COX6A1: variants seen among roughly 807,000 people sequenced by gnomAD.
The protein encoded by COX6A1 is cytochrome c oxidase subunit 6A1.
Under a neutral mutation model 11.3 loss-of-function variants are expected in COX6A1, and 10 were observed. The observed-to-expected ratio is 0.88, with a 90% CI of 0.54 to 1.50. The LOEUF is 1.50. Among genes scored for constraint, COX6A1 ranks in the 40% most tolerant of loss-of-function variants. COX6A1 has a pLI of 0.00. For synonymous variants in COX6A1, 81 were observed against 60.6 expected (o/e 1.34, Z -1.57); for missense variants, 149 against 147.6 (o/e 1.01, Z -0.05).
At position 120,440,630 on chromosome 12, in the gene COX6A1, T is replaced by G; in HGVS notation, c.*93T>G. On this transcript the variant is annotated 3_prime_UTR_variant, in exon 3 of 3. Coordinates refer to ENST00000229379, the MANE Select transcript of COX6A1 (RefSeq NM_004373.4). ...GGACCAGAAAAAGTATATGGGACCT[T>G]AAGCTCACCTTCTTTACTTGTATCA... 1 of 825,248 alleles carries G rather than the reference T, an allele frequency of 1.2e-6. No individual in the cohort carries two copies. The highest frequency in any genetic ancestry group is 2.0e-6 in the Non-Finnish European group (1 of 489,352). The allele number at this position is 825,248 out of a possible 1,614,324, so 51.1% of individuals were successfully genotyped here.
intron 1 of COX6A1, 28 bp downstream of exon 1, chr12:120,438,257 G>C: frequency 1.2e-6 from 2 of 1,612,250 alleles, no homozygotes; most frequent in Non-Finnish European, 8.5e-7. Flanking sequence ...GACGGGTCGA[G>C]CCTCAGCCCC....
At chr12:120,438,782 AC>A (rs1435680923) in intron 2 of COX6A1, 1 of 320,164 alleles carries the variant, frequency 3.1e-6, no homozygotes, top group South Asian at 4.3e-5. Context: ...GCCTTCTGAG[AC>A]AGTTCTTTTT....
intron 1 of COX6A1, 28 bp downstream of exon 1, chr12:120,438,257 G>A (rs1423926145): frequency 1.9e-6 from 3 of 1,612,132 alleles, no homozygotes; most frequent in Non-Finnish European, 2.5e-6. Flanking sequence ...GACGGGTCGA[G>A]CCTCAGCCCC....
chr12:120,438,501 C>A lies in COX6A1; in HGVS notation c.226C>A (p.His76Asn), dbSNP rs140243339. 8 of 1,614,226 alleles carry A rather than the reference C, an allele frequency of 5.0e-6. 1 individual carries two copies. The South Asian group carries it at 7.7e-5, about 16-fold the overall frequency. ...GAGACCCGAGTTCATCGCCTACCCC[C>A]ATCTCCGCATCAGGACCAAGGTACG... The part of the protein sequence containing the change: ...HERPEFIAYP[H>N]LRIRTKPFPW... The change falls in exon 2 of 3, where the codon CAT (histidine) becomes AAT (asparagine). Residue 76 changes from histidine (H) to asparagine (N), a missense_variant. Transcript: ENST00000229379.
chr12:120,438,256 A>C (rs1877620506), intron 1 of COX6A1, 27 bp downstream of exon 1: 4 of 1,612,410 alleles, frequency 2.5e-6, no homozygotes, highest in African/African-American at 2.7e-5. Flanking sequence ...CGACGGGTCG[A>C]GCCTCAGCCC....
In COX6A1 at chr12:120,438,170, G is replaced by T; in HGVS notation, c.44G>T (p.Arg15Leu). Residue 15 changes from arginine (R) to leucine (L), a missense_variant, in exon 1 of 3, where the codon CGG becomes CTG. Arg to Leu is a moderately radical substitution (Grantham distance 102). Coordinates refer to ENST00000229379, the MANE Select transcript of COX6A1 (RefSeq NM_004373.4). ...TCCTCGGTTTCTCGGCTGCTGGGTC[G>T]GTCCCGCCCACAGCTGGGGCGGCCT... The part of the protein sequence containing the change: ...GVSSVSRLLG[R>L]SRPQLGRPMS... 6.2e-7 allele frequency: 1 copy of T among 1,613,832 alleles called. No homozygotes were observed. The highest frequency in any genetic ancestry group is 1.3e-5 in the African/African-American group (1 of 75,042).
In COX6A1 at chr12:120,440,597, C is replaced by T; in HGVS notation, c.*60C>T. Reference sequence around the variant, plus strand: ...CACAGCACTGGTTTGGACCGTTACTCTGCACATGGACCAGAAAAAGTATAT... The same window carrying T: ...CACAGCACTGGTTTGGACCGTTACTTTGCACATGGACCAGAAAAAGTATAT... On this transcript the variant is annotated 3_prime_UTR_variant, in exon 3 of 3. Coordinates refer to ENST00000229379, the MANE Select transcript of COX6A1 (RefSeq NM_004373.4). The T allele has an allele frequency of 7.6e-7, 1 of 1,316,608 alleles. No homozygotes were observed. The highest frequency in any genetic ancestry group is 1.2e-5 in the South Asian group (1 of 84,166). 81.6% of individuals were successfully genotyped at this position (1,316,608 alleles called of 1,614,324 possible).
chr12:120,439,264 C>A (rs1877655790), intron 2 of COX6A1, among the ~76,000 whole-genome samples: 1 of 152,198 alleles, frequency 6.6e-6, no homozygotes, highest in African/African-American at 2.4e-5. Flanking sequence ...CGGTGGCTCA[C>A]GCCTGTAATC....
intron 2 of COX6A1, among the ~76,000 whole-genome samples, chr12:120,438,997 C>T (rs1877649789): frequency 6.6e-6 from 1 of 152,082 alleles, no homozygotes; most frequent in Non-Finnish European, 1.5e-5. Flanking sequence ...GAGATCGTGC[C>T]ACTGCACTCC....
At chr12:120,438,785 G>GTTA in intron 2 of COX6A1, 1 of 152,702 alleles carries the variant, frequency 6.5e-6, no homozygotes, top group Non-Finnish European at 1.2e-5. Context: ...TTCTGAGACA[G>GTTA]TTCTTTTTTT....
Position 120,438,788 on chromosome 12 carries a change from CTTTTTTTTTTTTT to C in COX6A1, c.246+281_246+293del, listed in dbSNP as rs376239130. ...CTACCTCCTGCCTTCTGAGACAGTT[CTTTTTTTTTTTTT>C]TTTTTTTTTTTTTACTTCTGAGACA... is the stretch of plus-strand genomic sequence containing the variant. On this transcript the variant is annotated intron_variant, in intron 2 of 2. Coordinates refer to ENST00000229379, the MANE Select transcript of COX6A1 (RefSeq NM_004373.4). The C allele has an allele frequency of 8.8e-4, 106 of 120,084 alleles. 2 individuals are homozygous for C. Among genetic ancestry groups the C allele is most frequent in the African/African-American group, 5.1e-3 (97 of 18,954 alleles). The allele number at this position is 120,084 out of a possible 1,614,324, so 7.4% of individuals were successfully genotyped here.
At chr12:120,439,934 A>C (rs1877683879) in intron 2 of COX6A1, 1 of 151,092 alleles carries the variant, frequency 6.6e-6, no homozygotes, top group East Asian at 2.0e-4. Context: ...TGTGCCCTGA[A>C]GGGGCAAAAT....
intron 2 of COX6A1, 172 bp from the exon 3 acceptor site, chr12:120,440,282 G>A (rs1026746387): frequency 5.5e-6 from 3 of 545,276 alleles, no homozygotes; most frequent in Middle Eastern, 8.3e-4. Context: ...GGCTCCCCTG[G>A]TAGTTATAAG....
chr12:120,438,540 C>T lies in COX6A1; in HGVS notation c.246+19C>T, dbSNP rs1284798623. 4.3e-6 allele frequency: 7 copies of T among 1,614,198 alleles called. No individual in the cohort carries two copies. Among genetic ancestry groups the T allele is most frequent in the Non-Finnish European group, 5.9e-6 (7 of 1,180,038 alleles). ...GACCAAGGTACGCCCTTGTACATCT[C>T]TTCAAGCGTCCGTTCTCTTTTCGTT... is the stretch of plus-strand genomic sequence containing the variant. On this transcript the variant is annotated intron_variant, in intron 2 of 2. Coordinates refer to ENST00000229379, the MANE Select transcript of COX6A1 (RefSeq NM_004373.4).
chr12:120,438,146 C>G lies in COX6A1; in HGVS notation c.20C>G (p.Ser7Cys), dbSNP rs375856274. The G allele has an allele frequency of 2.6e-5, 42 of 1,613,560 alleles. 1 individual carries two copies. Among genetic ancestry groups the G allele is most frequent in the South Asian group, 1.4e-4 (13 of 91,048 alleles). The change falls in exon 1 of 3, where the codon TCC (serine) becomes TGC (cysteine). Residue 7 changes from serine (S) to cysteine (C), a missense_variant. Coordinates refer to ENST00000229379, the MANE Select transcript of COX6A1 (RefSeq NM_004373.4). ...TCAAAAATGGCGGTAGTTGGTGTGT[C>G]CTCGGTTTCTCGGCTGCTGGGTCGG... MAVVGV[S>C]SVSRLLGRSR... is the part of the protein sequence containing the mutation.
chr12:120,438,360 G>T lies in COX6A1; in HGVS notation c.104-19G>T. 6.2e-7 allele frequency: 1 copy of T among 1,614,202 alleles called. No individual in the cohort carries two copies. The highest frequency in any genetic ancestry group is 8.5e-7 in the Non-Finnish European group (1 of 1,180,038). On this transcript the variant is annotated intron_variant, in intron 1 of 2. Transcript: ENST00000229379. ...GGCCCGCCCCATACCGGCGCTGAAC[G>T]TTTGTGGCTTCTCCGCAGCTCGCAT...
rs1271075194 is a variant in COX6A1, at chr12:120,440,452, A to C, written c.247-2A>C. On this transcript the variant is annotated splice_acceptor_variant, in intron 2 of 2. Transcript: ENST00000229379. LOFTEE classifies it high-confidence loss of function. ...TATCTAACTGACATCTTCACTCCAC[A>C]GCCGTTTCCCTGGGGAGATGGTAAC... is the stretch of plus-strand genomic sequence containing the variant. 6.2e-7 allele frequency: 1 copy of C among 1,611,620 alleles called. No individual in the cohort carries two copies. Among genetic ancestry groups the C allele is most frequent in the Admixed American group, 1.7e-5 (1 of 59,994 alleles).
At chr12:120,439,101 A>G (rs779128585) in intron 2 of COX6A1, among the ~76,000 whole-genome samples, 2 of 152,338 alleles carry the variant, frequency 1.3e-5, no homozygotes, top group Non-Finnish European at 2.9e-5. Context: ...TGCATAATGA[A>G]GAGACTGACA....
rs76271016 is a variant in COX6A1, at chr12:120,438,766, C to A, written c.246+245C>A. On this transcript the variant is annotated intron_variant, in intron 2 of 2. Coordinates refer to ENST00000229379, the MANE Select transcript of COX6A1 (RefSeq NM_004373.4). ...TTTCCCTTTTCTCCGATTCATCCTACCTCCTGCCTTCTGAGACAGTTCTTT... is the reference window on the plus strand; with the variant it reads ...TTTCCCTTTTCTCCGATTCATCCTAACTCCTGCCTTCTGAGACAGTTCTTT... 1,672 of 484,464 alleles carry A rather than the reference C, an allele frequency of 3.5e-3. 27 individuals are homozygous for A. The highest frequency in any genetic ancestry group is 0.031 in the African/African-American group (1,502 of 48,696). The allele number at this position is 484,464 out of a possible 1,614,324, so 30.0% of individuals were successfully genotyped here. A position where few individuals can be genotyped will look rare whatever the true frequency, so the allele number is the denominator to read the frequency against.
Sources: gnomAD v4.1 joint callset for allele counts (sites outside exome capture counted in the v4.1 genomes callset) on GRCh38, gnomAD v4.1.1 for gene constraint, MANE v1.5 for transcripts, NCBI Gene and HGNC (gene_info 2026-07-23, HGNC 2026-07-21) for gene names.